The following KCNMB4 variants were observed in gnomAD, a reference collection of about 807,000 sequenced individuals.
The protein encoded by KCNMB4 is calcium-activated potassium channel subunit beta-4.
In KCNMB4, 3 loss-of-function variants were observed where a neutral mutation model predicts 20.7. The ratio of observed to expected loss-of-function variants is 0.14; its 90% CI spans 0.07 to 0.37. The LOEUF (loss-of-function observed/expected upper bound fraction) is 0.37, where lower values mean the gene tolerates loss of function less well. KCNMB4 is among the 10% of genes least tolerant of loss of function. The pLI, the probability that KCNMB4 is intolerant of heterozygous loss-of-function variation, is 1.00. For synonymous variants in KCNMB4, 110 were observed against 113.4 expected (o/e 0.97, Z 0.19); for missense variants, 168 against 265.9 (o/e 0.63, Z 2.56).
chr12:70,367,234 C>G (rs185269693), intron 1 of KCNMB4, among the ~76,000 whole-genome samples, 164 bp downstream of exon 1: 1 of 152,138 alleles, frequency 6.6e-6, no homozygotes, highest in East Asian at 2.0e-4. Context: ...TCAGGGAGCC[C>G]CAGGGCTCCG....
At chr12:70,398,710 TCAAC>T (rs1238416597) in intron 1 of KCNMB4, among the ~76,000 whole-genome samples, 2 of 152,218 alleles carry the variant, frequency 1.3e-5, no homozygotes, top group African/African-American at 4.8e-5. Context: ...ATTAACGAAT[TCAAC>T]CAACATTTTT....
intron 1 of KCNMB4, among the ~76,000 whole-genome samples, chr12:70,368,399 G>C (rs893970726): frequency 6.6e-6 from 1 of 151,294 alleles, no homozygotes; most frequent in Non-Finnish European, 1.5e-5. Context: ...TGCTCCTGTC[G>C]ACAAATGAAT....
chr12:70,412,302 T>C (rs919363513), intron 2 of KCNMB4, among the ~76,000 whole-genome samples: 1 of 150,132 alleles, frequency 6.7e-6, no homozygotes, highest in African/African-American at 2.5e-5. Flanking sequence ...AGCTTTGAGG[T>C]GATAAACAGG....
intron 2 of KCNMB4, among the ~76,000 whole-genome samples, chr12:70,403,614 CTG>C (rs1394459244): frequency 6.6e-6 from 1 of 152,190 alleles, no homozygotes; most frequent in African/African-American, 2.4e-5. Flanking sequence ...GCGGGAGCCT[CTG>C]TGCCCAGCTA....
At chr12:70,404,551 T>G (rs1332304069) in intron 2 of KCNMB4, among the ~76,000 whole-genome samples, 1 of 152,226 alleles carries the variant, frequency 6.6e-6, no homozygotes, top group Non-Finnish European at 1.5e-5. Flanking sequence ...CCAGTTAGTC[T>G]GATTCCCAAA....
At chr12:70,428,738 A>G (rs1264512989) in intron 2 of KCNMB4, among the ~76,000 whole-genome samples, 3 of 152,232 alleles carry the variant, frequency 2.0e-5, no homozygotes, top group Non-Finnish European at 4.4e-5. Context: ...AATAGCAGCA[A>G]TGACAATGTC....
intron 2 of KCNMB4, among the ~76,000 whole-genome samples, chr12:70,429,519 T>C (rs1869301188): frequency 6.6e-6 from 1 of 151,802 alleles, no homozygotes; most frequent in African/African-American, 2.4e-5. Context: ...ACAAAAAAAT[T>C]AGCTGGACGT....
intron 1 of KCNMB4, among the ~76,000 whole-genome samples, chr12:70,399,870 T>C (rs951187395): frequency 5.3e-5 from 8 of 152,180 alleles, no homozygotes; most frequent in African/African-American, 1.9e-4. Context: ...AATAAACTTT[T>C]TTATGCCTCC....
chr12:70,420,713 G>A (rs1255198250), intron 2 of KCNMB4, among the ~76,000 whole-genome samples: 1 of 152,180 alleles, frequency 6.6e-6, no homozygotes, highest in Non-Finnish European at 1.5e-5. Flanking sequence ...AGTTCTAAGT[G>A]TAATTGACTT....
Position 70,433,001 on chromosome 12 carries a change from A to G in KCNMB4, c.*2348A>G, listed in dbSNP as rs1869409664. ...GCTTCCATTTATCCCGAAAAAGTAT[A>G]TGCAACTGTATTCTGTAGGTTGATT... On this transcript the variant is annotated 3_prime_UTR_variant, in exon 3 of 3. Transcript: ENST00000258111. 1.3e-5 allele frequency: 2 copies of G among 152,182 alleles called. No individual in the cohort carries two copies. Among genetic ancestry groups the G allele is most frequent in the Non-Finnish European group, 2.9e-5 (2 of 68,034 alleles). 9.4% of individuals were successfully genotyped at this position (152,182 alleles called of 1,614,324 possible). A position where few individuals can be genotyped will look rare whatever the true frequency, so the allele number is the denominator to read the frequency against.
Position 70,366,982 on chromosome 12 carries a change from C to T in KCNMB4, c.248C>T (p.Pro83Leu). 1 of 1,607,800 alleles carries T rather than the reference C, an allele frequency of 6.2e-7. No individual in the cohort carries two copies. Among genetic ancestry groups the T allele is most frequent in the Admixed American group, 1.7e-5 (1 of 59,124 alleles). Residue 83 changes from proline (P) to leucine (L), a missense_variant, in exon 1 of 3, where the codon CCC becomes CTC. Coordinates refer to ENST00000258111, the MANE Select transcript of KCNMB4 (RefSeq NM_014505.6). Reference protein sequence around the residue: ...GADCRGTSQYPCVQVYVNNSE... With the variant: ...GADCRGTSQYLCVQVYVNNSE... ...GACTGCAGGGGCACCTCGCAGTACC[C>T]CTGCGTCCAGGTCTACGTGAACAAC...
At chr12:70,413,976 G>A (rs879899420) in intron 2 of KCNMB4, among the ~76,000 whole-genome samples, 8 of 152,184 alleles carry the variant, frequency 5.3e-5, no homozygotes, top group Non-Finnish European at 1.0e-4. Flanking sequence ...GCTCACACTT[G>A]TAATCCCAGC....
intron 2 of KCNMB4, among the ~76,000 whole-genome samples, chr12:70,414,677 A>G (rs1868868424): frequency 1.3e-5 from 2 of 152,178 alleles, no homozygotes; most frequent in African/African-American, 4.8e-5. Flanking sequence ...ACAGCACACT[A>G]TTGATTCATA....
Position 70,366,725 on chromosome 12 carries a change from G to GT in KCNMB4, c.-9dup, listed in dbSNP as rs1007495741. On this transcript the variant is annotated 5_prime_UTR_variant, in exon 1 of 3. Transcript: ENST00000258111. ...GGGGGGAGCACGCCAGCCGCCGAGAGTGGGGGGCGATGGCGAAGCTCCGGG... is the reference window on the plus strand; with the variant it reads ...GGGGGGAGCACGCCAGCCGCCGAGAGTTGGGGGGCGATGGCGAAGCTCCGGG... The GT allele has an allele frequency of 5.1e-6, 8 of 1,569,428 alleles. No homozygotes were observed. In the African/African-American group the frequency reaches 1.1e-4, roughly 21 times the overall value.
intron 1 of KCNMB4, among the ~76,000 whole-genome samples, chr12:70,384,074 A>C (rs1883843439): frequency 6.6e-6 from 1 of 152,238 alleles, no homozygotes; most frequent in Non-Finnish European, 1.5e-5. Flanking sequence ...ATCTCAAAAC[A>C]AACAAAAAAC....
intron 1 of KCNMB4, among the ~76,000 whole-genome samples, chr12:70,371,035 T>G (rs146462116): frequency 0.027 from 4,103 of 152,154 alleles, 120 homozygotes; most frequent in African/African-American, 0.059. Flanking sequence ...TTTTGTATAT[T>G]TAGTAGAGAC....
At chr12:70,396,860 G>C (rs573162738) in intron 1 of KCNMB4, among the ~76,000 whole-genome samples, 2 of 152,148 alleles carry the variant, frequency 1.3e-5, no homozygotes, top group African/African-American at 4.8e-5. Context: ...TGTGTGACTG[G>C]ATTCTCGAGT....
intron 1 of KCNMB4, among the ~76,000 whole-genome samples, chr12:70,377,143 T>G (rs1215694585): frequency 6.6e-6 from 1 of 152,180 alleles, no homozygotes; most frequent in Non-Finnish European, 1.5e-5. Flanking sequence ...ATTAGTTATT[T>G]TTTTCTTTTT....
intron 2 of KCNMB4, among the ~76,000 whole-genome samples, chr12:70,413,846 T>C (rs1249016385): frequency 1.3e-5 from 2 of 152,172 alleles, no homozygotes; most frequent in Non-Finnish European, 2.9e-5. Flanking sequence ...GGCAAATTCA[T>C]AGAGACAGAA....
Sources: allele counts gnomAD v4.1 joint callset (sites outside exome capture counted in the v4.1 genomes callset), GRCh38; gene constraint gnomAD v4.1.1; transcripts MANE v1.5; gene names NCBI Gene and HGNC (gene_info 2026-07-23, HGNC 2026-07-21).